The following SERPING1 variants were observed in gnomAD, a reference collection of about 807,000 sequenced individuals.
SERPING1 encodes plasma protease C1 inhibitor.
In SERPING1, 5 loss-of-function variants were observed where a neutral mutation model predicts 34.1. The ratio of observed to expected loss-of-function variants is 0.15; its 90% confidence interval spans 0.08 to 0.31. The LOEUF is 0.31. SERPING1 is among the 10% of genes least tolerant of loss of function. The probability of loss-of-function intolerance (pLI) is 1.00; values close to 1 mark genes in which losing one functional copy is unlikely to be tolerated. For missense variants in SERPING1, 505 were observed against 609.5 expected, an observed-to-expected ratio of 0.83 and a Z score of 1.81; for synonymous variants, 225 against 242.4, an observed-to-expected ratio of 0.93 and a Z score of 0.67.
In SERPING1 at chr11:57,603,447, T is replaced by C. The variant is rs570525960; in HGVS notation, c.685+1278T>C. On this transcript the variant is annotated intron_variant, in intron 4 of 7. Transcript: ENST00000278407. ...CTGTAATCCCAGCTACTCAGGAGGCTGAGGCAGGAGAATCGCTTGAACCTG... is the reference window on the plus strand; with the variant it reads ...CTGTAATCCCAGCTACTCAGGAGGCCGAGGCAGGAGAATCGCTTGAACCTG... 7.3e-3 allele frequency among the ~76,000 whole-genome samples: 1,103 copies of C among 151,856 alleles called. 8 individuals are homozygous for C. The highest frequency in any genetic ancestry group is 0.012 in the Non-Finnish European group (813 of 67,936).
intron 3 of SERPING1, among the ~76,000 whole-genome samples, chr11:57,601,542 T>C (rs973800470): frequency 1.3e-5 from 2 of 151,944 alleles, no homozygotes; most frequent in African/African-American, 4.8e-5. Context: ...CTACAAGCAG[T>C]GGGGACAGAG....
intron 7 of SERPING1, 73 bp from the exon 8 acceptor site, chr11:57,614,255 C>T (rs998665831): frequency 1.3e-6 from 2 of 1,582,142 alleles, no homozygotes; most frequent in Admixed American, 1.7e-5. Flanking sequence ...CCAGAGAATT[C>T]AGGACAAAGG....
chr11:57,605,025 A>G (rs1945393026), intron 4 of SERPING1, among the ~76,000 whole-genome samples: 1 of 152,092 alleles, frequency 6.6e-6, no homozygotes, highest in Non-Finnish European at 1.5e-5. Flanking sequence ...TTTAATTTAA[A>G]TTTTAAAAAC....
At chr11:57,614,245 C>T (rs1051784571) in intron 7 of SERPING1, 83 bp from the exon 8 acceptor site, 1 of 1,553,732 alleles carries the variant, frequency 6.4e-7, no homozygotes, top group Admixed American at 1.7e-5. Context: ...CAGGATGAAC[C>T]CAGAGAATTC....
chr11:57,600,355 C>G lies in SERPING1; in HGVS notation c.528C>G (p.Ser176Arg). ...CCTTTTCCCCATTCAGCATCGCCAGCCTCCTTACCCAGGTCCTGCTCGGTA... is the reference window on the plus strand; with the variant it reads ...CCTTTTCCCCATTCAGCATCGCCAGGCTCCTTACCCAGGTCCTGCTCGGTA... ...NMAFSPFSIA[S>R]LLTQVLLGAG... The change falls in exon 3 of 8, where the codon AGC becomes AGG. Residue 176 changes from serine to arginine, a missense_variant. Transcript: ENST00000278407. 6.2e-7 allele frequency: 1 copy of G among 1,612,540 alleles called. No homozygotes were observed. The highest frequency in any genetic ancestry group is 8.5e-7 in the Non-Finnish European group (1 of 1,180,030).
intron 1 of SERPING1, 64 bp downstream of exon 1, chr11:57,597,786 G>C (rs1358873483): frequency 3.8e-5 from 6 of 156,678 alleles, no homozygotes; most frequent in African/African-American, 1.5e-4. Flanking sequence ...GAGGTCTAGG[G>C]AGGGGGTCTC....
rs768058061 is a variant in SERPING1 at position 57,614,512 on chromosome 11, C to T, written c.1434C>T (p.Leu478=). The change falls in exon 8 of 8, where the codon CTC becomes CTT. Residue 478 remains leucine (L), a synonymous_variant. Coordinates refer to ENST00000278407, the MANE Select transcript of SERPING1 (RefSeq NM_000062.3). Reference sequence around the variant, plus strand: ...TCTTTGAAGTGCAGCAGCCCTTCCTCTTCGTGCTCTGGGACCAGCAGCACA... The same window carrying T: ...TCTTTGAAGTGCAGCAGCCCTTCCTTTTCGTGCTCTGGGACCAGCAGCACA... ...LLVFEVQQPF[L]FVLWDQQHKF... The T allele has an allele frequency of 4.3e-6, 7 of 1,614,122 alleles. No individual in the cohort carries two copies.
Position 57,605,582 on chromosome 11 carries a change from C to CT in SERPING1, c.686-411dup, listed in dbSNP as rs35319364. On this transcript the variant is annotated intron_variant, in intron 4 of 7. Coordinates refer to ENST00000278407, the MANE Select transcript of SERPING1 (RefSeq NM_000062.3). ...TCCTAGAAAAATTATCTTTCAAGTG[C>CT]TTTTTTTTTTTTTTTTTCAGTGGAC... The CT allele has an allele frequency of 5.1e-3, 758 of 149,370 alleles. 5 individuals carry two copies. The highest frequency in any genetic ancestry group is 0.012 in the African/African-American group (413 of 35,138). 9.3% of individuals were successfully genotyped at this position (149,370 alleles called of 1,614,324 possible). A position where few individuals can be genotyped will look rare whatever the true frequency, so the allele number is the denominator to read the frequency against.
In SERPING1 at chr11:57,606,489, T is replaced by C; in HGVS notation, c.971T>C (p.Met324Thr). ...HFKNSVIKVP[M>T]MNSKKYPVAH... ...AAAAACTCAGTTATAAAAGTGCCCA[T>C]GATGAATAGCAAGAAGTACCCTGTG... The change falls in exon 6 of 8, where the codon ATG (methionine) becomes ACG (threonine). Residue 324 changes from methionine (M) to threonine (T), a missense_variant. Coordinates refer to ENST00000278407, the MANE Select transcript of SERPING1 (RefSeq NM_000062.3). 6.2e-7 allele frequency: 1 copy of C among 1,614,156 alleles called. No individual in the cohort carries two copies.
In SERPING1 at chr11:57,606,471, C is replaced by T. The variant is rs1554995860; in HGVS notation, c.953C>T (p.Ser318Leu). 6.2e-7 allele frequency: 1 copy of T among 1,614,156 alleles called. No individual in the cohort carries two copies. Among genetic ancestry groups the T allele is most frequent in the Non-Finnish European group, 8.5e-7 (1 of 1,180,016 alleles). ...ATGGAACCCTTTCACTTCAAAAACT[C>T]AGTTATAAAAGTGCCCATGATGAAT... ...TRMEPFHFKN[S>L]VIKVPMMNSK... The change falls in exon 6 of 8, where the codon TCA becomes TTA. Residue 318 changes from serine to leucine, a missense_variant. Coordinates refer to ENST00000278407, the MANE Select transcript of SERPING1 (RefSeq NM_000062.3).
intron 4 of SERPING1, among the ~76,000 whole-genome samples, chr11:57,602,799 G>C (rs953200325): frequency 1.4e-5 from 2 of 146,712 alleles, no homozygotes; most frequent in Non-Finnish European, 3.0e-5. Flanking sequence ...AAAAAACAAA[G>C]AAGGAGAAAG....
chr11:57,601,849 CTG>C (rs1945350364), intron 3 of SERPING1, among the ~76,000 whole-genome samples, 184 bp from the exon 4 acceptor site: 1 of 106,940 alleles, frequency 9.4e-6, no homozygotes, highest in Non-Finnish European at 1.8e-5. Flanking sequence ...AAGCAAGACT[CTG>C]TCTCAAAAAA....
At chr11:57,598,049 C>T in intron 1 of SERPING1, 200 bp from the exon 2 acceptor site, 1 of 566,862 alleles carries the variant, frequency 1.8e-6, no homozygotes, top group Non-Finnish European at 3.2e-6. Flanking sequence ...GAAGGGCCAG[C>T]CGGTGCCGGG....
chr11:57,598,188 G>C (rs776417611), intron 1 of SERPING1, 61 bp from the exon 2 acceptor site: 47 of 1,334,834 alleles, frequency 3.5e-5, no homozygotes, highest in East Asian at 1.8e-4. Context: ...GGCCCCGGGC[G>C]GGGTGGGGGC....
Position 57,602,028 on chromosome 11 carries a change from G to A in SERPING1, c.551-7G>A, listed in dbSNP as rs751963810. On this transcript the variant is annotated splice_polypyrimidine_tract_variant and splice_region_variant and intron_variant, in intron 3 of 7. Transcript: ENST00000278407. ...CAAGTATCTTTCATCTCTGCCCTTT[G>A]TTGCAGGGGCTGGGGAGAACACCAA... 1 of 1,614,120 alleles carries A rather than the reference G, an allele frequency of 6.2e-7. No homozygotes were observed. The highest frequency in any genetic ancestry group is 2.2e-5 in the East Asian group (1 of 44,874).
intron 4 of SERPING1, chr11:57,605,683 C>A (rs115140104): frequency 2.7e-6 from 1 of 372,406 alleles, no homozygotes; most frequent in East Asian, 6.3e-5. Flanking sequence ...GAGTCTATTC[C>A]GTGCCAAAAT....
intron 2 of SERPING1, among the ~76,000 whole-genome samples, chr11:57,599,204 G>A (rs185627887): frequency 3.1e-4 from 47 of 152,250 alleles, no homozygotes; most frequent in Middle Eastern, 3.4e-3. Flanking sequence ...ATGTTTTGCA[G>A]TATATCTCTA....
At position 57,607,887 on chromosome 11, in the gene SERPING1, T is replaced by C. The variant is rs377242074; in HGVS notation, c.1029+1340T>C. ...GTTAGCCAAGCTGGTCTCGAACTCCTGACCTCAAGTGATCCACACCCTCAG... is the reference window on the plus strand; with the variant it reads ...GTTAGCCAAGCTGGTCTCGAACTCCCGACCTCAAGTGATCCACACCCTCAG... On this transcript the variant is annotated intron_variant, in intron 6 of 7. Transcript: ENST00000278407. 2.0e-5 allele frequency among the ~76,000 whole-genome samples: 3 copies of C among 152,152 alleles called. No individual in the cohort carries two copies. In the East Asian group the frequency reaches 5.8e-4, roughly 29 times the overall value.
chr11:57,606,766 C>A (rs763996502), intron 6 of SERPING1: 1 of 703,134 alleles, frequency 1.4e-6, no homozygotes, highest in South Asian at 1.5e-5. Context: ...TCTCAAGTTT[C>A]TTCATGCATC....
Sources: gnomAD v4.1 joint callset for allele counts (sites outside exome capture counted in the v4.1 genomes callset) on GRCh38, gnomAD v4.1.1 for gene constraint, MANE v1.5 for transcripts, NCBI Gene and HGNC (gene_info 2026-07-23, HGNC 2026-07-21) for gene names.